Variants in SLC14A2 observed in about 807,000 individuals in gnomAD.
The protein encoded by SLC14A2 is urea transporter 2.
SLC14A2 carries 91 observed loss-of-function variants against 104.6 expected under a neutral mutation model. The ratio of observed to expected loss-of-function variants is 0.87; its 90% CI spans 0.73 to 1.04. The LOEUF (loss-of-function observed/expected upper bound fraction) is 1.04. Ranked by LOEUF, SLC14A2 falls within the 50% of genes least tolerant of loss-of-function variation. The pLI, the probability that SLC14A2 is intolerant of heterozygous loss-of-function variation, is 0.00. For synonymous variants in SLC14A2, 476 were observed against 466.4 expected, an observed-to-expected ratio of 1.02 and a Z score of -0.27; for missense variants, 1,189 against 1,156.0, an observed-to-expected ratio of 1.03 and a Z score of -0.41.
At chr18:45,596,539 T>C (rs1377727747) in intron 2 of SLC14A2, among the ~76,000 whole-genome samples, 1 of 152,134 alleles carries the variant, frequency 6.6e-6, no homozygotes, top group Non-Finnish European at 1.5e-5. Flanking sequence ...AGGGCTATGT[T>C]GGTTTGGGTG....
chr18:45,237,207 A>ATT (rs1343891032), intron 1 of SLC14A2, among the ~76,000 whole-genome samples: 3 of 152,176 alleles, frequency 2.0e-5, no homozygotes, highest in African/African-American at 4.8e-5. Flanking sequence ...AGGGCCCCAA[A>ATT]TTCTCTCTCT....
chr18:45,638,390 C>A (rs1200292392), intron 6 of SLC14A2, among the ~76,000 whole-genome samples: 1 of 152,066 alleles, frequency 6.6e-6, no homozygotes, highest in East Asian at 1.9e-4. Context: ...AATACTACTC[C>A]CTGAAGAAAT....
chr18:45,489,548 A>T (rs1416887974), intron 2 of SLC14A2, among the ~76,000 whole-genome samples: 2 of 152,190 alleles, frequency 1.3e-5, no homozygotes. Context: ...CTTGGGGGAG[A>T]GAATTTTTAA....
At chr18:45,177,667 A>G in the SLC14A2 span, among the ~76,000 whole-genome samples, 2 of 151,854 alleles carry the variant, frequency 1.3e-5, no homozygotes, top group African/African-American at 4.8e-5. Context: ...TCACTCCATT[A>G]CTCTTTCCCC....
At chr18:45,345,281 T>C (rs538179734) in intron 1 of SLC14A2, among the ~76,000 whole-genome samples, 29 of 152,364 alleles carry the variant, frequency 1.9e-4, no homozygotes, top group African/African-American at 6.3e-4. Flanking sequence ...TTGGTTCTAA[T>C]CGTTATTCAT....
rs1598771832 is a variant in SLC14A2 at position 45,411,448 on chromosome 18, A to G, written c.-124-71785A>G. ...GAAGGAAATTATACAACAGAAGCACAGTGAAGGGATATCGTTTTTCACCTT... is the reference window on the plus strand; with the variant it reads ...GAAGGAAATTATACAACAGAAGCACGGTGAAGGGATATCGTTTTTCACCTT... On this transcript the variant is annotated intron_variant, in intron 1 of 20. Coordinates refer to the SLC14A2 transcript ENST00000586448. Among the ~76,000 whole-genome samples, 2 of 152,226 alleles carry G rather than the reference A, an allele frequency of 1.3e-5. 1 individual carries two copies. The highest frequency in any genetic ancestry group is 4.1e-4 in the South Asian group (2 of 4,828).
At chr18:45,378,776 TG>T (rs1399215384) in intron 1 of SLC14A2, among the ~76,000 whole-genome samples, 3 of 152,186 alleles carry the variant, frequency 2.0e-5, no homozygotes, top group Non-Finnish European at 4.4e-5. Context: ...TTGTTGTTGT[TG>T]TTGTTGTTTT....
intron 1 of SLC14A2, among the ~76,000 whole-genome samples, chr18:45,283,897 T>C (rs2084788033): frequency 6.6e-6 from 1 of 152,166 alleles, no homozygotes; most frequent in Admixed American, 6.5e-5. Context: ...TACAGAGAAA[T>C]GTCTAAATTG....
At chr18:45,216,447 G>A (rs575232238) in intron 1 of SLC14A2, among the ~76,000 whole-genome samples, 3 of 152,140 alleles carry the variant, frequency 2.0e-5, no homozygotes, top group Non-Finnish European at 4.4e-5. Context: ...TGCCTGCTAT[G>A]GCTAATCTCA....
chr18:45,593,394 T>C (rs767915854), intron 2 of SLC14A2, among the ~76,000 whole-genome samples: 2 of 150,162 alleles, frequency 1.3e-5, no homozygotes, highest in Non-Finnish European at 3.0e-5. Flanking sequence ...TCTCCCATCA[T>C]CTCCTACAAA....
chr18:45,177,369 C>T, the SLC14A2 span, among the ~76,000 whole-genome samples: 1 of 152,170 alleles, frequency 6.6e-6, no homozygotes, highest in African/African-American at 2.4e-5. Context: ...TGGTTAGCGG[C>T]ATTTCATTGG....
At chr18:45,652,611 G>A (rs911942722) in intron 10 of SLC14A2, among the ~76,000 whole-genome samples, 2 of 152,138 alleles carry the variant, frequency 1.3e-5, no homozygotes, top group African/African-American at 4.8e-5. Flanking sequence ...CTGTAAAGTT[G>A]AAAACGTAGA....
chr18:45,222,206 G>T (rs62092126), intron 1 of SLC14A2, among the ~76,000 whole-genome samples: 2 of 152,028 alleles, frequency 1.3e-5, no homozygotes, highest in South Asian at 4.1e-4. Context: ...AAATTGGACC[G>T]TATGAATGTT....
chr18:45,650,341 A>C (rs1387964516), intron 10 of SLC14A2, among the ~76,000 whole-genome samples: 1 of 151,760 alleles, frequency 6.6e-6, no homozygotes. Context: ...TTAATTTTCT[A>C]TCTCCTCTTG....
chr18:45,495,167 A>G (rs1026330183), intron 2 of SLC14A2, among the ~76,000 whole-genome samples: 2 of 152,142 alleles, frequency 1.3e-5, no homozygotes, highest in Admixed American at 6.5e-5. Context: ...TGCATGAGTG[A>G]ATTTGGATGC....
intron 2 of SLC14A2, among the ~76,000 whole-genome samples, chr18:45,610,030 T>C (rs568198546): frequency 6.6e-6 from 1 of 152,320 alleles, no homozygotes; most frequent in African/African-American, 2.4e-5. Flanking sequence ...ACTGAATGCT[T>C]TGACCACTAA....
At position 45,682,171 on chromosome 18, in the gene SLC14A2, T is replaced by G; in HGVS notation, c.2563-148T>G. ...GCAATGCAGATGAATAGCACTGGCA[T>G]GATTTTATTTATATTGGTCATCAAT... On this transcript the variant is annotated intron_variant, in intron 19 of 19. Coordinates refer to ENST00000255226, the MANE Select transcript of SLC14A2 (RefSeq NM_007163.4). 3 of 734,430 alleles carry G rather than the reference T, an allele frequency of 4.1e-6. No individual in the cohort carries two copies. In the Admixed American group the frequency reaches 6.3e-5, roughly 15 times the overall value. The allele number at this position is 734,430 out of a possible 1,614,324, so 45.5% of individuals were successfully genotyped here. A position where few individuals can be genotyped will look rare whatever the true frequency, so the allele number is the denominator to read the frequency against.
At chr18:45,253,452 C>T (rs1281999793) in intron 1 of SLC14A2, among the ~76,000 whole-genome samples, 3 of 151,916 alleles carry the variant, frequency 2.0e-5, no homozygotes, top group Non-Finnish European at 4.4e-5. Context: ...AAAATAGTTG[C>T]TCTCTGCATT....
intron 2 of SLC14A2, among the ~76,000 whole-genome samples, chr18:45,503,277 A>G (rs1440083080): frequency 1.3e-5 from 2 of 152,136 alleles, no homozygotes; most frequent in Non-Finnish European, 2.9e-5. Context: ...AGATTAGGGA[A>G]CAGGCTATGG....
Sources: allele counts gnomAD v4.1 joint callset (sites outside exome capture counted in the v4.1 genomes callset), GRCh38; gene constraint gnomAD v4.1.1; transcripts MANE v1.5; gene names NCBI Gene and HGNC (gene_info 2026-07-23, HGNC 2026-07-21).